RIC3: variants seen among roughly 807,000 people sequenced by gnomAD.
The protein encoded by RIC3 is protein RIC-3.
A neutral mutation model predicts 27.3 loss-of-function variants in RIC3; 28 were observed. The observed-to-expected ratio is 1.02, with a 90% CI of 0.76 to 1.41. RIC3 has a LOEUF of 1.41. Ranked by LOEUF, RIC3 falls within the 40% of genes most tolerant of loss-of-function variation. The pLI is 0.00. For synonymous variants in RIC3, 184 were observed against 160.4 expected, an observed-to-expected ratio of 1.15 and a Z score of -1.11; for missense variants, 501 against 444.7, an observed-to-expected ratio of 1.13 and a Z score of -1.14.
At chr11:8,098,923 T>C in the RIC3 span, 22 of 1,396,038 alleles carry the variant, frequency 1.6e-5, no homozygotes, top group Non-Finnish European at 1.8e-5. Flanking sequence ...AGATATGAAA[T>C]CCAGGACTTG....
At position 8,120,711 on chromosome 11, in the gene RIC3, A is replaced by T. The variant is rs183499623; in HGVS notation, c.670+5948T>A. On this transcript the variant is annotated intron_variant, in intron 5 of 5. Transcript: ENST00000309737. ...GACACCAATACCCCAAATATAATTT[A>T]AAAAAAAAAGAAAGAAAATAAAACA... 7.5e-4 allele frequency among the ~76,000 whole-genome samples: 112 copies of T among 149,930 alleles called. 2 individuals are homozygous for T. In the South Asian group the frequency reaches 0.012, roughly 16 times the overall value.
At position 8,107,358 on chromosome 11, in the gene RIC3, G is replaced by A. The variant is rs1280521268; in HGVS notation, c.*3340C>T. 1 of 152,124 alleles carries A rather than the reference G, an allele frequency of 6.6e-6. No individual in the cohort carries two copies. The highest frequency in any genetic ancestry group is 1.9e-4 in the East Asian group (1 of 5,180). The allele number at this position is 152,124 out of a possible 1,614,324, so 9.4% of individuals were successfully genotyped here. ...ACCTGAACCATGGCCTATCTCCTGTGGCCTCTGCCTCTGGTGGGAAATAGC... is the reference window on the plus strand; with the variant it reads ...ACCTGAACCATGGCCTATCTCCTGTAGCCTCTGCCTCTGGTGGGAAATAGC... On this transcript the variant is annotated 3_prime_UTR_variant, in exon 6 of 6. Coordinates refer to ENST00000309737, the MANE Select transcript of RIC3 (RefSeq NM_001206671.4).
At chr11:8,159,065 T>C (rs1296269782) in intron 1 of RIC3, among the ~76,000 whole-genome samples, 1 of 150,436 alleles carries the variant, frequency 6.6e-6, no homozygotes, top group Non-Finnish European at 1.5e-5. Context: ...AAAGAGACAA[T>C]AAACAAGATA....
chr11:8,099,852 C>G, the RIC3 span, among the ~76,000 whole-genome samples: 1 of 152,124 alleles, frequency 6.6e-6, no homozygotes, highest in African/African-American at 2.4e-5. Context: ...GGACAAAAGT[C>G]CTGAATGCCT....
rs1266292029 is a variant in RIC3 at position 8,106,093 on chromosome 11, C to CTT, written c.*4603_*4604dup. 1 of 152,140 alleles carries CTT rather than the reference C, an allele frequency of 6.6e-6. No homozygotes were observed. Among genetic ancestry groups the CTT allele is most frequent in the Non-Finnish European group, 1.5e-5 (1 of 68,028 alleles). The allele number at this position is 152,140 out of a possible 1,614,324, so 9.4% of individuals were successfully genotyped here. A position where few individuals can be genotyped will look rare whatever the true frequency, so the allele number is the denominator to read the frequency against. On this transcript the variant is annotated 3_prime_UTR_variant, in exon 6 of 6. Transcript: ENST00000309737. Reference sequence around the variant, plus strand: ...TGCTTTTATTGACTTTTTGAATAAACTTTGGTATTCTGGAGCAAATGTATT... The same window carrying CTT: ...TGCTTTTATTGACTTTTTGAATAAACTTTTTGGTATTCTGGAGCAAATGTATT...
intron 4 of RIC3, among the ~76,000 whole-genome samples, chr11:8,133,804 G>A (rs967498183): frequency 1.3e-5 from 2 of 152,056 alleles, no homozygotes; most frequent in East Asian, 3.9e-4. Context: ...CCTGGCTTGG[G>A]CTATAGATAG....
chr11:8,157,853 T>C (rs1249347229), intron 1 of RIC3, among the ~76,000 whole-genome samples: 2 of 152,226 alleles, frequency 1.3e-5, no homozygotes, highest in Admixed American at 6.5e-5. Flanking sequence ...TGTACGTTTC[T>C]AAACTTGAAA....
chr11:8,113,331 A>G (rs369328790), intron 5 of RIC3, among the ~76,000 whole-genome samples: 3 of 152,214 alleles, frequency 2.0e-5, no homozygotes, highest in African/African-American at 7.2e-5. Flanking sequence ...TCAGGCTCTC[A>G]GCCTACCCCA....
the RIC3 span, chr11:8,100,760 A>G: frequency 6.3e-7 from 1 of 1,594,668 alleles, no homozygotes; most frequent in Non-Finnish European, 8.6e-7. Context: ...CCCGGGATAG[A>G]TCCCTTTCTG....
chr11:8,093,528 T>C, the RIC3 span, among the ~76,000 whole-genome samples: 1 of 152,184 alleles, frequency 6.6e-6, no homozygotes, highest in South Asian at 2.1e-4. Context: ...TCACTGTTGG[T>C]GCCTGTAGCT....
At chr11:8,136,329 G>A (rs1948417445) in intron 4 of RIC3, among the ~76,000 whole-genome samples, 1 of 152,198 alleles carries the variant, frequency 6.6e-6, no homozygotes, top group South Asian at 2.1e-4. Flanking sequence ...AAACTACAGT[G>A]TGCTCACAAA....
Position 8,168,944 on chromosome 11 carries a change from C to G in RIC3, c.46G>C (p.Val16Leu), listed in dbSNP as rs571923443. 3 of 1,610,582 alleles carry G rather than the reference C, an allele frequency of 1.9e-6. No homozygotes were observed. Among genetic ancestry groups the G allele is most frequent in the Non-Finnish European group, 2.5e-6 (3 of 1,178,522 alleles). Residue 16 changes from valine (V) to leucine (L), a missense_variant, in exon 1 of 6, where the codon GTC (valine) becomes CTC (leucine). By Grantham distance (32) the Val-to-Leu change is conservative. Transcript: ENST00000309737. ...VQRVALASGL[V>L]LALSLLLPKA... ...GGCAGCAGCAGCGACAGAGCCAGGACAAGCCCAGAAGCCAGAGCGACTCTC... is the reference window on the plus strand; with the variant it reads ...GGCAGCAGCAGCGACAGAGCCAGGAGAAGCCCAGAAGCCAGAGCGACTCTC...
rs1944891415 is a variant in RIC3 at position 8,108,280 on chromosome 11, AAG to A, written c.*2416_*2417del. The A allele has an allele frequency of 6.6e-6, 1 of 152,184 alleles. No individual in the cohort carries two copies. Among genetic ancestry groups the A allele is most frequent in the African/African-American group, 2.4e-5 (1 of 41,438 alleles). The allele number at this position is 152,184 out of a possible 1,614,324, so 9.4% of individuals were successfully genotyped here. On this transcript the variant is annotated 3_prime_UTR_variant, in exon 6 of 6. Transcript: ENST00000309737. ...GCTTTTTTCAACAACTCTTTCTGCC[AAG>A]AGTGTCCTCTCTTCTTTGCCTACCT...
At chr11:8,149,392 A>G (rs1448394545) in intron 1 of RIC3, among the ~76,000 whole-genome samples, 1 of 151,962 alleles carries the variant, frequency 6.6e-6, no homozygotes, top group South Asian at 2.1e-4. Context: ...CATTTAGGGA[A>G]GTAAGAAGAG....
chr11:8,127,818 C>T (rs921440956), intron 4 of RIC3, among the ~76,000 whole-genome samples: 1 of 152,182 alleles, frequency 6.6e-6, no homozygotes, highest in Non-Finnish European at 1.5e-5. Flanking sequence ...ATTTTTCTAA[C>T]AGCCAGTTCT....
downstream of RIC3, chr11:8,103,050 G>C (rs955578026): frequency 2.0e-5 from 3 of 152,236 alleles, no homozygotes; most frequent in African/African-American, 4.8e-5. Context: ...CTTTTTGCAC[G>C]TGAGTATGAT....
At chr11:8,139,945 T>C (rs780422594) in intron 2 of RIC3, 22 bp downstream of exon 2, 9 of 1,585,950 alleles carry the variant, frequency 5.7e-6, no homozygotes, top group South Asian at 2.2e-5. Flanking sequence ...TGATGTAATA[T>C]GATTAGGATG....
At chr11:8,150,090 A>G (rs1441348566) in intron 1 of RIC3, among the ~76,000 whole-genome samples, 2 of 151,312 alleles carry the variant, frequency 1.3e-5, no homozygotes, top group Non-Finnish European at 2.9e-5. Flanking sequence ...AATATTCATG[A>G]CTCCCCCTAC....
chr11:8,127,372 CTG>C (rs1947111757), intron 4 of RIC3, among the ~76,000 whole-genome samples: 3 of 152,150 alleles, frequency 2.0e-5, no homozygotes, highest in South Asian at 4.1e-4. Context: ...ATTGAGGAAA[CTG>C]GGGTCCACAG....
Sources: allele counts gnomAD v4.1 joint callset (sites outside exome capture counted in the v4.1 genomes callset), GRCh38; gene constraint gnomAD v4.1.1; transcripts MANE v1.5; gene names NCBI Gene and HGNC (gene_info 2026-07-23, HGNC 2026-07-21).